Variants in TREH observed in about 807,000 individuals in gnomAD.
TREH encodes alpha,alpha-trehalose glucohydrolase.
Under a neutral mutation model 80.5 loss-of-function variants are expected in TREH, and 69 were observed. The observed-to-expected ratio is 0.86, with a 90% CI of 0.71 to 1.05. The LOEUF (loss-of-function observed/expected upper bound fraction) is 1.05, where lower values mean the gene tolerates loss of function less well. TREH is among the 50% of genes least tolerant of loss of function. TREH has a pLI of 0.00. For missense variants in TREH, 716 were observed against 718.8 expected (o/e 1.00, Z 0.04); for synonymous variants, 309 against 293.5 (o/e 1.05, Z -0.54).
Position 118,661,582 on chromosome 11 carries a change from G to A in TREH, c.617+55C>T, listed in dbSNP as rs752593325. 43 of 1,612,844 alleles carry A rather than the reference G, an allele frequency of 2.7e-5. No homozygotes were observed. Among genetic ancestry groups the A allele is most frequent in the Admixed American group, 1.8e-4 (11 of 59,964 alleles). ...ACCAAGGCAATCCAGCTGCATGCCC[G>A]TGGCACACCTGCCTCTCCTCCCCAC... On this transcript the variant is annotated intron_variant, in intron 6 of 14. Coordinates refer to ENST00000264029, the MANE Select transcript of TREH (RefSeq NM_007180.3). The surrounding 1 kb of genome is among the most constrained non-coding windows in gnomAD (Gnocchi z 4.2).
chr11:118,678,374 A>G (rs1949500890), intron 1 of TREH, among the ~76,000 whole-genome samples: 2 of 151,838 alleles, frequency 1.3e-5, no homozygotes, highest in African/African-American at 4.8e-5. Flanking sequence ...TATTATTATT[A>G]TTATTTGAGA....
intron 1 of TREH, among the ~76,000 whole-genome samples, chr11:118,664,905 T>TCGAGACCA (rs1462556976): frequency 6.6e-6 from 1 of 151,526 alleles, no homozygotes; most frequent in Non-Finnish European, 1.5e-5. Context: ...GGTCAGGAGT[T>TCGAGACCA]CGAGACCAAC....
chr11:118,669,986 C>A (rs1949416136), intron 1 of TREH, among the ~76,000 whole-genome samples: 1 of 151,828 alleles, frequency 6.6e-6, no homozygotes, highest in South Asian at 2.1e-4. Flanking sequence ...TATATACCTA[C>A]TATGTACCTC....
rs1555144935 is a variant in TREH, at chr11:118,661,405, G to A, written c.722C>T (p.Thr241Ile). The A allele has an allele frequency of 6.2e-7, 1 of 1,613,974 alleles. No homozygotes were observed. Among genetic ancestry groups the A allele is most frequent in the South Asian group, 1.1e-5 (1 of 91,080 alleles). The change falls in exon 7 of 15, where the codon ACC becomes ATC. Residue 241 changes from threonine (T) to isoleucine (I), a missense_variant. Thr to Ile is a moderately conservative substitution (Grantham distance 89). Coordinates refer to ENST00000264029, the MANE Select transcript of TREH (RefSeq NM_007180.3). The surrounding 1 kb of genome is among the most constrained non-coding windows in gnomAD (Gnocchi z 4.2). Reference protein sequence around the residue: ...MDCYLTHTNDTAFLQENIETL... With the variant: ...MDCYLTHTNDIAFLQENIETL... ...GGGTGGTACCCACTGTAGAAAGGCGGTGTCATTGGTGTGAGTCAAGTAGCA... is the reference window on the plus strand; with the variant it reads ...GGGTGGTACCCACTGTAGAAAGGCGATGTCATTGGTGTGAGTCAAGTAGCA...
Position 118,660,667 on chromosome 11 carries a change from C to A in TREH, c.974G>T (p.Arg325Leu). The A allele has an allele frequency of 2.5e-6, 4 of 1,604,586 alleles. No individual in the cohort carries two copies. Among genetic ancestry groups the A allele is most frequent in the South Asian group, 1.1e-5 (1 of 89,242 alleles). Residue 325 changes from arginine to leucine, a missense_variant, in exon 10 of 15, where the codon CGC becomes CTC. Physicochemically the swap from Arg to Leu is moderately radical, Grantham distance 102. Coordinates refer to ENST00000264029, the MANE Select transcript of TREH (RefSeq NM_007180.3). ...GAESGWDFSS[R>L]WLIGGPNPNS... ...GGGGTTTGGGCCTCCAATGAGCCAG[C>A]GTGAAGAGAAGTCCCAGCCAGACTC... is the stretch of plus-strand genomic sequence containing the variant.
At chr11:118,679,518 C>G in intron 1 of TREH, 21 bp downstream of exon 1, 3 of 1,472,042 alleles carry the variant, frequency 2.0e-6, no homozygotes, top group Non-Finnish European at 9.0e-7. Flanking sequence ...TCCTCCCCTG[C>G]TGCCTTCCCC....
chr11:118,661,452 T>TG lies in TREH; in HGVS notation c.674dup (p.Leu226ThrfsTer15). On this transcript the variant is annotated frameshift_variant, in exon 7 of 15. Coordinates refer to ENST00000264029, the MANE Select transcript of TREH (RefSeq NM_007180.3). LOFTEE classifies it high-confidence loss of function. This position sits in a 1 kb window ranked among gnomAD's most constrained non-coding sequence, Gnocchi z 4.2. ...AGCAATCCATCATGAGGGTCAAGAG[T>TG]GGGGGCTGGCTCCGCTGCAGGTAGT... 1 of 1,613,468 alleles carries TG rather than the reference T, an allele frequency of 6.2e-7. No homozygotes were observed.
At chr11:118,676,121 G>T (rs917335993) in intron 1 of TREH, among the ~76,000 whole-genome samples, 2 of 152,174 alleles carry the variant, frequency 1.3e-5, no homozygotes, top group South Asian at 4.1e-4. Flanking sequence ...CTCCCTGAAG[G>T]TTGAGAAGTT....
At chr11:118,677,372 G>T (rs148915138) in intron 1 of TREH, among the ~76,000 whole-genome samples, 1 of 152,216 alleles carries the variant, frequency 6.6e-6, no homozygotes, top group African/African-American at 2.4e-5. Flanking sequence ...TTTTCTCCTG[G>T]ACTTGGCCCT....
At chr11:118,667,205 G>T (rs1409324756) in intron 1 of TREH, among the ~76,000 whole-genome samples, 2 of 151,306 alleles carry the variant, frequency 1.3e-5, no homozygotes, top group African/African-American at 4.9e-5. Flanking sequence ...TTTAGACAAG[G>T]GTTCGCTCTA....
At chr11:118,659,311 G>A in intron 12 of TREH, 59 bp downstream of exon 12, 1 of 1,390,602 alleles carries the variant, frequency 7.2e-7, no homozygotes, top group South Asian at 1.5e-5. Flanking sequence ...CCAGCACCAG[G>A]GAGGCCCACC....
intron 1 of TREH, among the ~76,000 whole-genome samples, chr11:118,675,200 C>T (rs1288742750): frequency 6.6e-6 from 1 of 152,198 alleles, no homozygotes; most frequent in Admixed American, 6.5e-5. Context: ...TCATCCCCTG[C>T]CCTTTCAACT....
chr11:118,658,129 C>A lies in TREH; in HGVS notation c.*160G>T. ...CCCTATTCAAGGTTCCAGGAGGGAG[C>A]TAGGCCCCTACCCATGACCTCCAGG... is the stretch of plus-strand genomic sequence containing the variant. On this transcript the variant is annotated 3_prime_UTR_variant, in exon 15 of 15. Transcript: ENST00000264029. 9.8e-7 allele frequency: 1 copy of A among 1,017,426 alleles called. No homozygotes were observed. Among genetic ancestry groups the A allele is most frequent in the Non-Finnish European group, 1.4e-6 (1 of 706,466 alleles). The allele number at this position is 1,017,426 out of a possible 1,614,324, so 63.0% of individuals were successfully genotyped here.
intron 10 of TREH, 53 bp downstream of exon 10, chr11:118,660,486 G>T: frequency 6.6e-7 from 1 of 1,512,836 alleles, no homozygotes; most frequent in East Asian, 2.4e-5. Flanking sequence ...CTATTGCCAA[G>T]CCTGAGCAGG....
intron 12 of TREH, 115 bp downstream of exon 12, chr11:118,659,255 C>T (rs1949274755): frequency 2.2e-5 from 21 of 936,004 alleles, no homozygotes; most frequent in Non-Finnish European, 3.1e-5. Flanking sequence ...AGCAGAGGAG[C>T]GAGAGAAAGG....
In TREH at chr11:118,660,619, G is replaced by A. The variant is rs782268125; in HGVS notation, c.1022C>T (p.Thr341Ile). Residue 341 changes from threonine to isoleucine, a missense_variant, in exon 10 of 15, where the codon ACA becomes ATA. Transcript: ENST00000264029. ...PNPNSLSGIRTSKLVPVDLNA... is the reference protein window; with the variant it reads ...PNPNSLSGIRISKLVPVDLNA... ...CAGGTCAACAGGCACCAGTTTGCTT[G>A]TTCGGATGCCGCTAAGCGAGTTGGG... The A allele has an allele frequency of 1.2e-6, 2 of 1,609,724 alleles. No homozygotes were observed. The highest frequency in any genetic ancestry group is 2.2e-5 in the South Asian group (2 of 89,912).
intron 1 of TREH, among the ~76,000 whole-genome samples, chr11:118,672,730 A>G (rs1443619209): frequency 1.3e-5 from 2 of 151,300 alleles, no homozygotes; most frequent in Non-Finnish European, 2.9e-5. Context: ...AAAAAAAAAA[A>G]AAAAAAGAAA....
chr11:118,676,183 C>T lies in TREH; in HGVS notation c.89+3356G>A, dbSNP rs566470572. Among the ~76,000 whole-genome samples, 6 of 152,370 alleles carry T rather than the reference C, an allele frequency of 3.9e-5. No homozygotes were observed. The South Asian group carries it at 1.2e-3, about 32-fold the overall frequency. On this transcript the variant is annotated intron_variant, in intron 1 of 14. Transcript: ENST00000264029. ...CCAACCCTCTACACACATGCTTGGC[C>T]TTTCTGGCACGGCCTGCCTTCATGT...
chr11:118,670,816 G>A (rs561639316), intron 1 of TREH, among the ~76,000 whole-genome samples: 7 of 152,288 alleles, frequency 4.6e-5, no homozygotes, highest in East Asian at 3.8e-4. Context: ...CCTTTCAGGC[G>A]TCAAGTATAA....
Sources: gnomAD v4.1 joint callset for allele counts (sites outside exome capture counted in the v4.1 genomes callset) on GRCh38, gnomAD v4.1.1 for gene constraint, Gnocchi (gnomAD v3.1) non-coding constraint, MANE v1.5 for transcripts, NCBI Gene and HGNC (gene_info 2026-07-23, HGNC 2026-07-21) for gene names.